HDAC4: variants seen among roughly 807,000 people sequenced by gnomAD.
HDAC4 encodes the protein histone deacetylase A.
Under a neutral mutation model 135.1 loss-of-function variants are expected in HDAC4, and 16 were observed. That is an observed-to-expected ratio of 0.12 (90% confidence interval 0.08 to 0.18). The LOEUF is 0.18. Ranked by LOEUF, HDAC4 falls within the 10% of genes least tolerant of loss-of-function variation. HDAC4 has a pLI of 1.00. For synonymous variants in HDAC4, 685 were observed against 653.4 expected (o/e 1.05, Z -0.74); for missense variants, 1,143 against 1,511.8 (o/e 0.76, Z 4.05).
chr2:239,175,386 G>A (rs1040470018), intron 5 of HDAC4, among the ~76,000 whole-genome samples: 22 of 152,228 alleles, frequency 1.4e-4, no homozygotes, highest in African/African-American at 5.1e-4. Context: ...CACCGTCCTC[G>A]TGCAGAGGAG....
rs572642797 is a variant in HDAC4 at position 239,077,062 on chromosome 2, C to CCCAGATCTTGGCCACCCAGGATCT, written c.2750+4032_2750+4033insAGATCCTGGGTGGCCAAGATCTGG. On this transcript the variant is annotated intron_variant, in intron 22 of 26. Coordinates refer to ENST00000543185, the MANE Select transcript of HDAC4 (RefSeq NM_001378414.1). ...TGCCGCTGTTTTCTGGGCTTGTCCA[C>CCCAGATCTTGGCCACCCAGGATCT]TGGCCCCCAGATCCTACCCTGGAAT... Among the ~76,000 whole-genome samples, 13 of 152,338 alleles carry CCCAGATCTTGGCCACCCAGGATCT rather than the reference C, an allele frequency of 8.5e-5. No homozygotes were observed. The South Asian group carries it at 2.5e-3, about 29-fold the overall frequency.
intron 4 of HDAC4, 47 bp from the exon 5 acceptor site, chr2:239,176,610 C>T (rs1252019405): frequency 6.3e-7 from 1 of 1,580,656 alleles, no homozygotes; most frequent in Admixed American, 1.7e-5. Flanking sequence ...AGGCTCCACA[C>T]ACACACAGAG....
chr2:239,334,373 T>C (rs1691783767), intron 2 of HDAC4, among the ~76,000 whole-genome samples: 1 of 151,762 alleles, frequency 6.6e-6, no homozygotes, highest in African/African-American at 2.4e-5. Flanking sequence ...TAGAAAAAAT[T>C]AGCCAGGCAT....
chr2:239,254,307 T>C (rs2048940050), intron 2 of HDAC4, among the ~76,000 whole-genome samples: 1 of 151,298 alleles, frequency 6.6e-6, no homozygotes, highest in African/African-American at 2.4e-5. Flanking sequence ...TCACAAATGA[T>C]AGATGGAAAC....
At chr2:239,131,813 G>A (rs899616230) in intron 11 of HDAC4, among the ~76,000 whole-genome samples, 1 of 152,256 alleles carries the variant, frequency 6.6e-6, no homozygotes, top group Non-Finnish European at 1.5e-5. Flanking sequence ...ATGTGACTGA[G>A]AAACTGAATT....
Position 239,299,504 on chromosome 2 carries a change from G to A in HDAC4, c.22+53174C>T, listed in dbSNP as rs1033375926. Among the ~76,000 whole-genome samples, 3 of 150,764 alleles carry A rather than the reference G, an allele frequency of 2.0e-5. No homozygotes were observed. The Admixed American group carries it at 2.0e-4, about 10-fold the overall frequency. On this transcript the variant is annotated intron_variant, in intron 2 of 26. Coordinates refer to ENST00000543185, the MANE Select transcript of HDAC4 (RefSeq NM_001378414.1). The surrounding 1 kb of genome is among the most constrained non-coding windows in gnomAD (Gnocchi z 4.0). Reference sequence around the variant, plus strand: ...AGAAGAGACATGCACACGAGGCAGGGCGAGTGGTGTTTATTACAGCTGTAC... The same window carrying A: ...AGAAGAGACATGCACACGAGGCAGGACGAGTGGTGTTTATTACAGCTGTAC...
At chr2:239,253,632 G>C (rs1303194817) in intron 2 of HDAC4, among the ~76,000 whole-genome samples, 1 of 152,312 alleles carries the variant, frequency 6.6e-6, no homozygotes, top group East Asian at 1.9e-4. Context: ...ACTCGATAAG[G>C]ATCCCTCGCT....
At chr2:239,174,602 A>T (rs191092492) in intron 5 of HDAC4, among the ~76,000 whole-genome samples, 111 of 152,302 alleles carry the variant, frequency 7.3e-4, no homozygotes, top group African/African-American at 2.5e-3. Flanking sequence ...ACGTATGAAC[A>T]CTGACAACAT....
intron 2 of HDAC4, among the ~76,000 whole-genome samples, chr2:239,253,351 C>G (rs1356336643): frequency 6.6e-6 from 1 of 152,206 alleles, no homozygotes; most frequent in African/African-American, 2.4e-5. Flanking sequence ...AACGAACACC[C>G]CTGTATGCTG....
chr2:239,210,051 C>G (rs1349346933), intron 3 of HDAC4, among the ~76,000 whole-genome samples: 1 of 151,996 alleles, frequency 6.6e-6, no homozygotes, highest in African/African-American at 2.4e-5. Context: ...TTCTCATAGA[C>G]AGCCGAATCT....
At chr2:239,060,481 A>G (rs113302020) in intron 24 of HDAC4, among the ~76,000 whole-genome samples, 3,062 of 152,314 alleles carry the variant, frequency 0.02, 121 homozygotes, top group African/African-American at 0.07. Flanking sequence ...CCAGGTGGCC[A>G]ATAGGCAGAT....
At chr2:239,131,609 TG>T (rs896996880) in intron 11 of HDAC4, among the ~76,000 whole-genome samples, 9 of 152,148 alleles carry the variant, frequency 5.9e-5, no homozygotes, top group Non-Finnish European at 1.0e-4. Context: ...GGCTGCGGTC[TG>T]GTCCAGCATT....
intron 16 of HDAC4, among the ~76,000 whole-genome samples, chr2:239,101,997 C>T (rs1452802373): frequency 2.6e-5 from 3 of 116,422 alleles, no homozygotes; most frequent in South Asian, 2.9e-4. Flanking sequence ...CCTGGGTCCA[C>T]GTTCTGTGCC....
At chr2:239,076,942 C>A (rs924929635) in intron 22 of HDAC4, among the ~76,000 whole-genome samples, 20 of 152,166 alleles carry the variant, frequency 1.3e-4, no homozygotes, top group African/African-American at 4.8e-4. Flanking sequence ...AGTGCCCTCT[C>A]CCCCAAAATC....
intron 2 of HDAC4, among the ~76,000 whole-genome samples, chr2:239,243,492 C>T (rs1575504899): frequency 6.6e-6 from 1 of 152,120 alleles, no homozygotes; most frequent in Non-Finnish European, 1.5e-5. Context: ...TGGGGGGTTG[C>T]TGACATAGAC....
At chr2:239,193,661 G>A (rs1368621320) in intron 3 of HDAC4, among the ~76,000 whole-genome samples, 5 of 152,224 alleles carry the variant, frequency 3.3e-5, no homozygotes, top group African/African-American at 9.6e-5. Context: ...GCTTGGGGCC[G>A]GGAGAGCAGC....
chr2:239,063,141 G>A (rs2033004050), intron 24 of HDAC4, among the ~76,000 whole-genome samples: 1 of 152,108 alleles, frequency 6.6e-6, no homozygotes, highest in Non-Finnish European at 1.5e-5. Context: ...TTGCTCTGTA[G>A]TGGGTCATGG....
chr2:239,115,313 G>A lies in HDAC4; in HGVS notation c.1534-3C>T, dbSNP rs2152810345. On this transcript the variant is annotated splice_polypyrimidine_tract_variant and splice_region_variant and intron_variant, in intron 12 of 26. Transcript: ENST00000543185. The surrounding 1 kb of genome is among the most constrained non-coding windows in gnomAD (Gnocchi z 6.3). Reference sequence around the variant, plus strand: ...GGCTCGCTTGGCTTGGGGATGATCTGCAAGGCGGAGGTAACACATGAAGCA... The same window carrying A: ...GGCTCGCTTGGCTTGGGGATGATCTACAAGGCGGAGGTAACACATGAAGCA... 1 of 1,613,080 alleles carries A rather than the reference G, an allele frequency of 6.2e-7. No individual in the cohort carries two copies. Among genetic ancestry groups the A allele is most frequent in the Non-Finnish European group, 8.5e-7 (1 of 1,179,980 alleles).
chr2:239,124,976 C>T (rs1205910016), intron 12 of HDAC4, among the ~76,000 whole-genome samples: 5 of 151,294 alleles, frequency 3.3e-5, no homozygotes, highest in Non-Finnish European at 5.9e-5. Flanking sequence ...GGTGTGCTGG[C>T]GTGTGGCCGC....
Sources: gnomAD v4.1 joint callset for allele counts (sites outside exome capture counted in the v4.1 genomes callset) on GRCh38, gnomAD v4.1.1 for gene constraint, Gnocchi (gnomAD v3.1) non-coding constraint, MANE v1.5 for transcripts, NCBI Gene and HGNC (gene_info 2026-07-23, HGNC 2026-07-21) for gene names.